Variants in INTS7 observed in about 807,000 individuals in gnomAD.
INTS7 encodes the protein chromosome 1 open reading frame 73.
In INTS7, 46 loss-of-function variants were observed where a neutral mutation model predicts 109.2. That is an observed-to-expected ratio of 0.42 (90% confidence interval 0.33 to 0.54). INTS7 has a LOEUF of 0.54. Among genes scored for constraint, INTS7 ranks in the 20% least tolerant of loss-of-function variants. The pLI, the probability that INTS7 is intolerant of heterozygous loss-of-function variation, is 0.07. For missense variants in INTS7, 929 were observed against 1,132.4 expected, an observed-to-expected ratio of 0.82 and a Z score of 2.58; for synonymous variants, 412 against 402.9, an observed-to-expected ratio of 1.02 and a Z score of -0.27.
intron 1 of INTS7, among the ~76,000 whole-genome samples, chr1:212,024,346 T>C (rs540697389): frequency 2.6e-4 from 40 of 152,342 alleles, no homozygotes; most frequent in African/African-American, 9.1e-4. Context: ...GAGCATGGAA[T>C]GTTTTTCCAT....
chr1:211,977,094 T>C (rs1664452852), intron 11 of INTS7, among the ~76,000 whole-genome samples: 1 of 152,086 alleles, frequency 6.6e-6, no homozygotes, highest in Non-Finnish European at 1.5e-5. Context: ...TTACATAAAA[T>C]TAAAAATATG....
chr1:211,953,431 G>T (rs1219738498), intron 16 of INTS7, among the ~76,000 whole-genome samples: 2 of 150,498 alleles, frequency 1.3e-5, no homozygotes, highest in East Asian at 1.9e-4. Flanking sequence ...TTAAGTTTTA[G>T]GGTACATGTG....
intron 7 of INTS7, among the ~76,000 whole-genome samples, chr1:211,998,854 G>C (rs192849082): frequency 6.6e-6 from 1 of 152,002 alleles, no homozygotes; most frequent in Non-Finnish European, 1.5e-5. Flanking sequence ...TAAAATATTA[G>C]AATAGGCACT....
intron 17 of INTS7, among the ~76,000 whole-genome samples, chr1:211,947,263 A>G (rs1662883932): frequency 6.6e-6 from 1 of 152,162 alleles, no homozygotes; most frequent in African/African-American, 2.4e-5. Flanking sequence ...TATTTCTCAA[A>G]TCTGCCTCAC....
At chr1:211,976,532 A>C in intron 12 of INTS7, 50 bp downstream of exon 12, 1 of 1,525,966 alleles carries the variant, frequency 6.6e-7, no homozygotes, top group Middle Eastern at 1.7e-4. Context: ...TTGAAGATAC[A>C]TGATCTGACA....
chr1:212,010,548 C>A (rs1327421485), intron 5 of INTS7, among the ~76,000 whole-genome samples: 1 of 152,126 alleles, frequency 6.6e-6, no homozygotes, highest in South Asian at 2.1e-4. Context: ...ACTAATCATG[C>A]CCCCCATAAG....
chr1:212,006,519 G>T (rs1665916080), intron 7 of INTS7, 120 bp downstream of exon 7: 1 of 413,250 alleles, frequency 2.4e-6, no homozygotes, highest in Non-Finnish European at 4.2e-6. Context: ...AATGCTTTTA[G>T]AAGTTTTTCA....
chr1:212,020,282 A>G lies in INTS7; in HGVS notation c.225-14T>C. On this transcript the variant is annotated splice_polypyrimidine_tract_variant and intron_variant, in intron 2 of 19. Coordinates refer to ENST00000366994, the MANE Select transcript of INTS7 (RefSeq NM_015434.4). Reference sequence around the variant, plus strand: ...AGGAAATTATTTCTAGAAAAACCAGAAATAAATTAGGTCACTTTAGAAAGT... The same window carrying G: ...AGGAAATTATTTCTAGAAAAACCAGGAATAAATTAGGTCACTTTAGAAAGT... 1 of 1,505,092 alleles carries G rather than the reference A, an allele frequency of 6.6e-7. No individual in the cohort carries two copies. Among genetic ancestry groups the G allele is most frequent in the Non-Finnish European group, 9.0e-7 (1 of 1,106,936 alleles). The allele number at this position is 1,505,092 out of a possible 1,614,324, so 93.2% of individuals were successfully genotyped here. A position where few individuals can be genotyped will look rare whatever the true frequency, so the allele number is the denominator to read the frequency against.
chr1:211,951,918 G>A (rs2788135), intron 17 of INTS7, among the ~76,000 whole-genome samples: 6,788 of 152,220 alleles, frequency 0.045, 208 homozygotes, highest in African/African-American at 0.079. Flanking sequence ...GGGAAATCAG[G>A]GGAGAAGATA....
chr1:211,977,849 A>C (rs1664486583), intron 11 of INTS7, among the ~76,000 whole-genome samples: 3 of 152,206 alleles, frequency 2.0e-5, no homozygotes. Context: ...ATTTGGGCTA[A>C]TTTATGGTCA....
At chr1:211,951,279 A>G (rs1663072299) in intron 17 of INTS7, among the ~76,000 whole-genome samples, 1 of 151,958 alleles carries the variant, frequency 6.6e-6, no homozygotes, top group South Asian at 2.1e-4. Context: ...GGCCCCCATG[A>G]TGGGATGAGT....
intron 2 of INTS7, chr1:212,020,677 TG>T: frequency 1.1e-6 from 1 of 936,726 alleles, no homozygotes; most frequent in Non-Finnish European, 1.3e-6. Flanking sequence ...GAAGATGGAA[TG>T]GTCGGGGGAG....
chr1:212,031,810 T>C lies in INTS7; in HGVS notation c.94+3534A>G, dbSNP rs183676540. ...TCAAAATAGTATTCACTTATTCCTA[T>C]AGAGATCAGAAACAATCAGCTTACT... On this transcript the variant is annotated intron_variant, in intron 1 of 19. Transcript: ENST00000366994. 1.0e-3 allele frequency among the ~76,000 whole-genome samples: 157 copies of C among 152,326 alleles called. 1 individual carries two copies. The highest frequency in any genetic ancestry group is 7.2e-4 in the Non-Finnish European group (49 of 68,040).
At chr1:212,008,181 T>C (rs1219051021) in intron 5 of INTS7, among the ~76,000 whole-genome samples, 2 of 152,200 alleles carry the variant, frequency 1.3e-5, no homozygotes, top group African/African-American at 4.8e-5. Context: ...AACAGTTGCC[T>C]ACGTCAATAA....
At chr1:211,986,228 T>C (rs904537960) in intron 8 of INTS7, among the ~76,000 whole-genome samples, 2 of 152,012 alleles carry the variant, frequency 1.3e-5, no homozygotes, top group South Asian at 4.2e-4. Context: ...ATTTCTAGCA[T>C]GTGAATGAGG....
chr1:212,016,483 T>C (rs1666448217), intron 4 of INTS7, among the ~76,000 whole-genome samples: 1 of 152,234 alleles, frequency 6.6e-6, no homozygotes, highest in Non-Finnish European at 1.5e-5. Flanking sequence ...ATTCAAGTTA[T>C]TGTCTTTGCC....
chr1:211,994,475 G>A (rs1326537326), intron 7 of INTS7, among the ~76,000 whole-genome samples: 1 of 147,080 alleles, frequency 6.8e-6, no homozygotes, highest in Non-Finnish European at 1.5e-5. Flanking sequence ...CCAGGCTGGA[G>A]TGCAATGGCG....
chr1:211,961,467 T>C (rs1192961838), intron 16 of INTS7, among the ~76,000 whole-genome samples: 1 of 151,834 alleles, frequency 6.6e-6, no homozygotes, highest in Non-Finnish European at 1.5e-5. Flanking sequence ...TCTTGGTCTG[T>C]TGCCCAGGCT....
At chr1:211,988,524 A>G (rs944909895) in intron 7 of INTS7, among the ~76,000 whole-genome samples, 1 of 152,130 alleles carries the variant, frequency 6.6e-6, no homozygotes, top group Non-Finnish European at 1.5e-5. Context: ...ATACATAAAA[A>G]CGACACTAGG....
Sources: gnomAD v4.1 joint callset for allele counts (sites outside exome capture counted in the v4.1 genomes callset) on GRCh38, gnomAD v4.1.1 for gene constraint, MANE v1.5 for transcripts, NCBI Gene and HGNC (gene_info 2026-07-23, HGNC 2026-07-21) for gene names.